The following UNC13C variants were observed in gnomAD, a reference collection of about 807,000 sequenced individuals.
UNC13C encodes the protein unc-13 homolog C, also known as protein unc-13 homolog C.
UNC13C carries 174 observed loss-of-function variants against 245.4 expected under a neutral mutation model. The ratio of observed to expected loss-of-function variants is 0.71; its 90% CI spans 0.63 to 0.80. UNC13C has a LOEUF of 0.80. Ranked by LOEUF, UNC13C falls within the 30% of genes least tolerant of loss-of-function variation. The pLI is 0.00. For missense variants in UNC13C, 2,829 were observed against 2,602.9 expected (o/e 1.09, Z -1.89); for synonymous variants, 992 against 895.1 (o/e 1.11, Z -1.93).
Position 54,465,410 on chromosome 15 carries a change from T to C in UNC13C, c.4934-29198T>C, listed in dbSNP as rs151198617. Reference sequence around the variant, plus strand: ...TGCTTTATAAATACTTTGGTAGATATGATAAAACAAATAAGGATCTGAGTT... The same window carrying C: ...TGCTTTATAAATACTTTGGTAGATACGATAAAACAAATAAGGATCTGAGTT... On this transcript the variant is annotated intron_variant, in intron 19 of 32. Transcript: ENST00000260323. 2.3e-3 allele frequency among the ~76,000 whole-genome samples: 356 copies of C among 152,164 alleles called. 3 individuals carry two copies. The highest frequency in any genetic ancestry group is 8.1e-3 in the African/African-American group (337 of 41,550).
At chr15:54,049,022 C>G (rs1038726978) in intron 2 of UNC13C, 1 of 381,448 alleles carries the variant, frequency 2.6e-6, no homozygotes, top group South Asian at 2.3e-5. Flanking sequence ...TTTCTTCCTT[C>G]CCAAATCGTT....
chr15:54,533,153 T>TAAGGTA lies in UNC13C; in HGVS notation c.5696+88_5696+93dup. ...AAGAAAAACATTGTTTTCCTCTGTG[T>TAAGGTA]AAGGTAGCATTAAAAGTCTTTCTAT... On this transcript the variant is annotated intron_variant, in intron 26 of 32. Coordinates refer to ENST00000260323, the MANE Select transcript of UNC13C (RefSeq NM_001080534.3). The TAAGGTA allele has an allele frequency of 6.1e-6, 6 of 988,172 alleles. No homozygotes were observed. The South Asian group carries it at 8.6e-5, about 14-fold the overall frequency. 61.2% of individuals were successfully genotyped at this position (988,172 alleles called of 1,614,324 possible).
At chr15:53,870,778 T>C in the UNC13C span, among the ~76,000 whole-genome samples, 1 of 151,890 alleles carries the variant, frequency 6.6e-6, no homozygotes, top group Non-Finnish European at 1.5e-5. Context: ...AGCACAGAGG[T>C]TTAAGAAGTT....
chr15:54,150,303 A>G (rs1371066411), intron 4 of UNC13C, among the ~76,000 whole-genome samples: 3 of 152,360 alleles, frequency 2.0e-5, no homozygotes, highest in Non-Finnish European at 4.4e-5. Flanking sequence ...TCTCTTGGCC[A>G]GTGTTGGGCA....
At chr15:54,447,672 TA>T (rs1890896350) in intron 19 of UNC13C, among the ~76,000 whole-genome samples, 1 of 152,188 alleles carries the variant, frequency 6.6e-6, no homozygotes, top group African/African-American at 2.4e-5. Flanking sequence ...TTTTCTTCTT[TA>T]TTACTCTTGC....
intron 2 of UNC13C, among the ~76,000 whole-genome samples, chr15:54,114,399 A>G (rs2141181227): frequency 6.6e-6 from 1 of 152,308 alleles, no homozygotes; most frequent in South Asian, 2.1e-4. Flanking sequence ...TTTACTATTC[A>G]TAAATATAGT....
At chr15:54,264,048 C>T in intron 8 of UNC13C, 120 bp from the exon 9 acceptor site, 1 of 960,024 alleles carries the variant, frequency 1.0e-6, no homozygotes. Context: ...AAAAAGCCAC[C>T]TGACTCCACA....
rs189172620 is a variant in UNC13C, at chr15:54,504,300, G to C, written c.5302-2817G>C. Among the ~76,000 whole-genome samples, 1,015 of 152,004 alleles carry C rather than the reference G, an allele frequency of 6.7e-3. 15 individuals carry two copies. Among genetic ancestry groups the C allele is most frequent in the Admixed American group, 0.043 (653 of 15,254 alleles). The stretch of plus-strand genomic sequence containing the variant: ...ATTTATTTCTATTCCTTGTTCTCTG[G>C]GAACATAATTCTAATTTTTAACAAT... On this transcript the variant is annotated intron_variant, in intron 22 of 32. Coordinates refer to ENST00000260323, the MANE Select transcript of UNC13C (RefSeq NM_001080534.3).
chr15:54,160,495 T>A (rs1171575822), intron 4 of UNC13C, among the ~76,000 whole-genome samples: 4 of 151,672 alleles, frequency 2.6e-5, no homozygotes, highest in Non-Finnish European at 5.9e-5. Context: ...TACTTACTTA[T>A]GTTCTGAAAA....
At chr15:54,434,490 T>C (rs922710275) in intron 19 of UNC13C, among the ~76,000 whole-genome samples, 7 of 152,044 alleles carry the variant, frequency 4.6e-5, no homozygotes, top group Non-Finnish European at 8.8e-5. Flanking sequence ...GGGAAAGTGT[T>C]CCCTATTTAA....
At position 54,284,152 on chromosome 15, in the gene UNC13C, C is replaced by T. The variant is rs1028711161; in HGVS notation, c.3819-9743C>T. 1.2e-4 allele frequency among the ~76,000 whole-genome samples: 18 copies of T among 152,040 alleles called. 1 individual carries two copies. Among genetic ancestry groups the T allele is most frequent in the Non-Finnish European group, 1.8e-4 (12 of 68,004 alleles). ...GTAAATTTTTAGAAAGAACACATAT[C>T]GCCACTTAAATAAAAGTCAGATTTG... is the stretch of plus-strand genomic sequence containing the variant. On this transcript the variant is annotated intron_variant, in intron 10 of 32. Coordinates refer to ENST00000260323, the MANE Select transcript of UNC13C (RefSeq NM_001080534.3).
At chr15:54,569,453 A>T (rs895396813) in intron 30 of UNC13C, among the ~76,000 whole-genome samples, 1 of 152,192 alleles carries the variant, frequency 6.6e-6, no homozygotes, top group Non-Finnish European at 1.5e-5. Context: ...ATAACAAGAA[A>T]AAAAGCCTAT....
intron 1 of UNC13C, among the ~76,000 whole-genome samples, chr15:53,988,933 A>G (rs928495473): frequency 2.0e-5 from 3 of 151,870 alleles, no homozygotes; most frequent in African/African-American, 7.3e-5. Flanking sequence ...GTATCTCCAT[A>G]TTGTCAGTAT....
chr15:54,402,433 A>T (rs2040206714), intron 18 of UNC13C, among the ~76,000 whole-genome samples: 1 of 152,136 alleles, frequency 6.6e-6, no homozygotes, highest in Non-Finnish European at 1.5e-5. Context: ...ACCTCTGAAG[A>T]TTTCAATTTT....
At chr15:54,549,734 G>A in intron 28 of UNC13C, 43 bp downstream of exon 28, 1 of 1,288,624 alleles carries the variant, frequency 7.8e-7, no homozygotes, top group Non-Finnish European at 1.1e-6. Flanking sequence ...AAAGTAGTGA[G>A]TTAACTACAG....
Position 54,529,462 on chromosome 15 carries a change from C to G in UNC13C, c.5547-3455C>G, listed in dbSNP as rs182627447. 2.4e-3 allele frequency among the ~76,000 whole-genome samples: 370 copies of G among 152,128 alleles called. 1 individual carries two copies. The highest frequency in any genetic ancestry group is 8.7e-3 in the African/African-American group (359 of 41,486). On this transcript the variant is annotated intron_variant, in intron 25 of 32. Transcript: ENST00000260323. ...CTAAAATATTTCCATAATGTAAATG[C>G]TAAAATACAAGTTCTCATATTTGCT...
chr15:54,345,270 C>T (rs2038834257), intron 17 of UNC13C, among the ~76,000 whole-genome samples: 1 of 152,158 alleles, frequency 6.6e-6, no homozygotes, highest in Non-Finnish European at 1.5e-5. Flanking sequence ...CATAAATAAA[C>T]TGATTTTTCT....
chr15:54,349,654 T>C (rs1288300531), intron 17 of UNC13C, among the ~76,000 whole-genome samples: 1 of 152,180 alleles, frequency 6.6e-6, no homozygotes, highest in Non-Finnish European at 1.5e-5. Flanking sequence ...AATGGTGATA[T>C]GGGACATTGG....
At chr15:54,333,106 C>A (rs986957105) in intron 15 of UNC13C, among the ~76,000 whole-genome samples, 1 of 151,962 alleles carries the variant, frequency 6.6e-6, no homozygotes, top group African/African-American at 2.4e-5. Flanking sequence ...CGATGGTTTT[C>A]CTAATGGCTC....
Sources: allele counts gnomAD v4.1 joint callset (sites outside exome capture counted in the v4.1 genomes callset), GRCh38; gene constraint gnomAD v4.1.1; transcripts MANE v1.5; gene names NCBI Gene and HGNC (gene_info 2026-07-23, HGNC 2026-07-21).